Variants in MAGI2 observed in about 807,000 individuals in gnomAD.
MAGI2 encodes membrane-associated guanylate kinase, WW and PDZ domain-containing protein 2.
MAGI2 carries 35 observed loss-of-function variants against 133.3 expected under a neutral mutation model. The observed-to-expected ratio is 0.26, with a 90% CI of 0.20 to 0.35. The LOEUF (loss-of-function observed/expected upper bound fraction) is 0.35. MAGI2 is among the 10% of genes least tolerant of loss of function. The pLI, the probability that MAGI2 is intolerant of heterozygous loss-of-function variation, is 1.00. For missense variants in MAGI2, 1,636 were observed against 1,863.4 expected (o/e 0.88, Z 2.25); for synonymous variants, 729 against 710.6 (o/e 1.03, Z -0.41).
chr7:79,412,123 G>GA (rs1183446807), intron 1 of MAGI2: 1 of 151,832 alleles, frequency 6.6e-6, no homozygotes, highest in South Asian at 2.1e-4. Context: ...ACACTACTTA[G>GA]AAAAAAGCTC....
intron 14 of MAGI2, among the ~76,000 whole-genome samples, chr7:78,169,163 G>A (rs115072372): frequency 7.4e-4 from 113 of 152,330 alleles, no homozygotes; most frequent in African/African-American, 2.7e-3. Flanking sequence ...ACTCAGTTTA[G>A]TGTGCATTAG....
intron 21 of MAGI2, chr7:78,072,866 GC>G (rs1814857704): frequency 2.5e-6 from 1 of 398,368 alleles, no homozygotes; most frequent in African/African-American, 2.1e-5. Flanking sequence ...TCCCTATGTT[GC>G]CTCTTCTGTT....
At chr7:78,171,536 G>A (rs1826108627) in intron 14 of MAGI2, among the ~76,000 whole-genome samples, 1 of 152,172 alleles carries the variant, frequency 6.6e-6, no homozygotes, top group Non-Finnish European at 1.5e-5. Context: ...GCAAGGCTCT[G>A]ATTCTTCTCA....
chr7:78,915,109 G>C (rs1034777153), intron 2 of MAGI2, among the ~76,000 whole-genome samples: 1 of 152,096 alleles, frequency 6.6e-6, no homozygotes, highest in Non-Finnish European at 1.5e-5. Flanking sequence ...CACCTGAATA[G>C]AGCTTTATAT....
intron 2 of MAGI2, among the ~76,000 whole-genome samples, chr7:78,977,153 A>C (rs1223753110): frequency 6.6e-6 from 1 of 151,768 alleles, no homozygotes; most frequent in African/African-American, 2.4e-5. Flanking sequence ...GAAGAAGGAC[A>C]AAGTTGAAAG....
chr7:79,030,770 A>C (rs10228655), intron 1 of MAGI2, among the ~76,000 whole-genome samples: 18,016 of 152,222 alleles, frequency 0.12, 1,515 homozygotes, highest in African/African-American at 0.24. Context: ...TCCCAGAATT[A>C]TTCTTGGGAT....
At chr7:78,446,430 G>A (rs1176684762) in intron 6 of MAGI2, among the ~76,000 whole-genome samples, 1 of 152,090 alleles carries the variant, frequency 6.6e-6, no homozygotes, top group Admixed American at 6.6e-5. Context: ...AGAAGGATCT[G>A]AACTGATTAA....
chr7:79,063,616 A>G (rs1813998777), intron 1 of MAGI2, among the ~76,000 whole-genome samples: 1 of 152,088 alleles, frequency 6.6e-6, no homozygotes, highest in Non-Finnish European at 1.5e-5. Flanking sequence ...TAAGAGAGAA[A>G]TGAGCCAATA....
At chr7:78,897,167 T>G (rs1199442739) in intron 2 of MAGI2, among the ~76,000 whole-genome samples, 1 of 152,212 alleles carries the variant, frequency 6.6e-6, no homozygotes, top group Non-Finnish European at 1.5e-5. Context: ...TTTATCATAT[T>G]TATCTAATTT....
intron 2 of MAGI2, among the ~76,000 whole-genome samples, chr7:78,958,502 A>ATCT (rs1451927187): frequency 6.6e-6 from 1 of 152,154 alleles, no homozygotes; most frequent in Non-Finnish European, 1.5e-5. Flanking sequence ...AACTCAATGA[A>ATCT]AATTGTGAAA....
At chr7:78,173,485 C>T (rs1422799972) in intron 14 of MAGI2, among the ~76,000 whole-genome samples, 6 of 152,170 alleles carry the variant, frequency 3.9e-5, no homozygotes, top group Non-Finnish European at 2.9e-5. Context: ...GCAGACAAAG[C>T]ATGAGCCAAG....
At chr7:78,346,108 G>A (rs747293240) in intron 7 of MAGI2, 65 bp from the exon 8 acceptor site, 2 of 1,577,308 alleles carry the variant, frequency 1.3e-6, no homozygotes, top group Non-Finnish European at 1.7e-6. Context: ...CCATATGTAT[G>A]GCTCTATGGA....
At chr7:79,241,518 G>C (rs1832413088) in intron 1 of MAGI2, among the ~76,000 whole-genome samples, 1 of 152,010 alleles carries the variant, frequency 6.6e-6, no homozygotes, top group Admixed American at 6.6e-5. Context: ...CCCTTATTCT[G>C]GGGACAGGCC....
chr7:78,769,858 T>C (rs75410336), intron 2 of MAGI2, among the ~76,000 whole-genome samples: 362 of 152,282 alleles, frequency 2.4e-3, no homozygotes, highest in African/African-American at 8.1e-3. Flanking sequence ...GGCACCGAAC[T>C]GCATCCTATT....
chr7:78,747,066 A>C (rs769182669), intron 2 of MAGI2, among the ~76,000 whole-genome samples: 13 of 152,216 alleles, frequency 8.5e-5, no homozygotes, highest in Non-Finnish European at 1.9e-4. Flanking sequence ...CATACGCATC[A>C]CAGCCAGCCA....
chr7:79,306,282 GTA>G (rs981167298), intron 1 of MAGI2, among the ~76,000 whole-genome samples: 8 of 144,194 alleles, frequency 5.5e-5, no homozygotes, highest in Admixed American at 1.4e-4. Flanking sequence ...TTATTTATAT[GTA>G]TATATATTAT....
intron 1 of MAGI2, among the ~76,000 whole-genome samples, chr7:79,427,336 C>T (rs977679556): frequency 6.6e-6 from 1 of 151,944 alleles, no homozygotes; most frequent in Admixed American, 6.6e-5. Context: ...ATGTAACAAA[C>T]CCACACATTC....
intron 2 of MAGI2, among the ~76,000 whole-genome samples, chr7:78,663,020 G>T (rs1179608537): frequency 1.3e-5 from 2 of 152,006 alleles, no homozygotes. Context: ...TAGAAAATCT[G>T]GCCATCTGGT....
chr7:78,422,320 T>C (rs1261667455), intron 6 of MAGI2, among the ~76,000 whole-genome samples: 4 of 152,186 alleles, frequency 2.6e-5, no homozygotes, highest in African/African-American at 9.7e-5. Flanking sequence ...TAATTAGCAA[T>C]ACTGTATTGT....
Sources: gnomAD v4.1 joint callset for allele counts (sites outside exome capture counted in the v4.1 genomes callset) on GRCh38, gnomAD v4.1.1 for gene constraint, MANE v1.5 for transcripts, NCBI Gene and HGNC (gene_info 2026-07-23, HGNC 2026-07-21) for gene names.